SSPN: variants seen among roughly 807,000 people sequenced by gnomAD.
SSPN encodes K-ras oncogene-associated protein.
A neutral mutation model predicts 19.1 loss-of-function variants in SSPN; 15 were observed. The ratio of observed to expected loss-of-function variants is 0.78; its 90% confidence interval spans 0.52 to 1.21. The LOEUF is 1.21. Ranked by LOEUF, SSPN falls within the 50% of genes most tolerant of loss-of-function variation. SSPN has a pLI of 0.00. For missense variants in SSPN, 291 were observed against 314.0 expected (o/e 0.93, Z 0.55); for synonymous variants, 147 against 140.3 (o/e 1.05, Z -0.34).
chr12:26,222,901 C>G (rs116481792), intron 1 of SSPN, among the ~76,000 whole-genome samples: 251 of 152,292 alleles, frequency 1.6e-3, no homozygotes, highest in African/African-American at 5.8e-3. Flanking sequence ...CTCTCCAGGT[C>G]CTCCCATCAG....
At chr12:26,169,110 T>C (rs1944639101) in intron 1 of SSPN, among the ~76,000 whole-genome samples, 1 of 152,098 alleles carries the variant, frequency 6.6e-6, no homozygotes, top group Non-Finnish European at 1.5e-5. Context: ...GGGGAGTGCT[T>C]GAAAAGCATT....
intron 1 of SSPN, among the ~76,000 whole-genome samples, chr12:26,221,213 A>G (rs1945117052): frequency 6.6e-6 from 1 of 152,158 alleles, no homozygotes; most frequent in South Asian, 2.1e-4. Flanking sequence ...CTCTCTCTGC[A>G]CAGAATACCT....
intron 1 of SSPN, chr12:26,123,538 G>A (rs185157631): frequency 2.3e-5 from 21 of 904,582 alleles, no homozygotes; most frequent in Non-Finnish European, 3.7e-5. Flanking sequence ...CCCACGGAAA[G>A]AGATGGGGTG....
At chr12:26,144,070 T>A (rs934640122) in intron 1 of SSPN, among the ~76,000 whole-genome samples, 1 of 152,154 alleles carries the variant, frequency 6.6e-6, no homozygotes, top group African/African-American at 2.4e-5. Flanking sequence ...TACAATGTAA[T>A]AATAATAGAA....
chr12:26,210,706 T>C (rs1944976403), intron 1 of SSPN, among the ~76,000 whole-genome samples: 1 of 152,166 alleles, frequency 6.6e-6, no homozygotes, highest in African/African-American at 2.4e-5. Context: ...CTTGATGACT[T>C]CCAGTGCTAG....
chr12:26,154,389 A>G (rs1591852453), intron 1 of SSPN, among the ~76,000 whole-genome samples: 1 of 152,104 alleles, frequency 6.6e-6, no homozygotes, highest in Admixed American at 6.5e-5. Flanking sequence ...ATAGATTTCC[A>G]TGTTCAGATC....
intron 1 of SSPN, among the ~76,000 whole-genome samples, chr12:26,217,090 A>G (rs1945060970): frequency 6.7e-6 from 1 of 148,972 alleles, no homozygotes; most frequent in Non-Finnish European, 1.5e-5. Context: ...ACTTTAAAGT[A>G]GTTTTTTCCA....
intron 1 of SSPN, among the ~76,000 whole-genome samples, chr12:26,175,761 TA>T (rs546089864): frequency 4.0e-5 from 6 of 150,722 alleles, no homozygotes; most frequent in Admixed American, 1.3e-4. Flanking sequence ...TTGTTAAAAA[TA>T]AAAAAAATTA....
rs1007938759 is a variant in SSPN, at chr12:26,223,106, C to G, written c.280-1187C>G. Among the ~76,000 whole-genome samples, 9 of 152,300 alleles carry G rather than the reference C, an allele frequency of 5.9e-5. 1 individual carries two copies. The highest frequency in any genetic ancestry group is 4.1e-4 in the South Asian group (2 of 4,822). On this transcript the variant is annotated intron_variant, in intron 1 of 2. Coordinates refer to ENST00000242729, the MANE Select transcript of SSPN (RefSeq NM_005086.5). ...CACTGCTAATTTTCCTGAAATGTGT[C>G]TCTCAAATCATGTCATTCCCTGCTC...
At chr12:26,181,775 T>G (rs1944719906) in intron 1 of SSPN, among the ~76,000 whole-genome samples, 2 of 152,326 alleles carry the variant, frequency 1.3e-5, no homozygotes, top group South Asian at 4.1e-4. Context: ...AGAACACCTG[T>G]GAGTGGAGGA....
intron 1 of SSPN, among the ~76,000 whole-genome samples, chr12:26,148,240 A>C (rs1317162149): frequency 1.3e-5 from 2 of 152,166 alleles, no homozygotes; most frequent in Non-Finnish European, 2.9e-5. Flanking sequence ...GCAGCCTTAC[A>C]TGGAGGCTAT....
At chr12:26,165,912 C>A (rs1944617862) in intron 1 of SSPN, among the ~76,000 whole-genome samples, 1 of 152,180 alleles carries the variant, frequency 6.6e-6, no homozygotes, top group African/African-American at 2.4e-5. Flanking sequence ...TTCTGGAGAG[C>A]CCCTTCTGAA....
chr12:26,174,681 C>T (rs542911246), intron 1 of SSPN, among the ~76,000 whole-genome samples: 29 of 152,130 alleles, frequency 1.9e-4, no homozygotes, highest in Middle Eastern at 3.4e-3. Flanking sequence ...CCACCACACC[C>T]GGCTCATTTT....
At chr12:26,227,330 G>GT (rs1482740583) in intron 2 of SSPN, among the ~76,000 whole-genome samples, 1 of 152,104 alleles carries the variant, frequency 6.6e-6, no homozygotes, top group East Asian at 1.9e-4. Flanking sequence ...GCTTTCTCTA[G>GT]TTTACTTGGC....
At chr12:26,140,758 C>G (rs541543404) in intron 1 of SSPN, among the ~76,000 whole-genome samples, 2 of 152,286 alleles carry the variant, frequency 1.3e-5, no homozygotes, top group East Asian at 3.9e-4. Context: ...GCCTCCCCAG[C>G]CATGCTGCTT....
chr12:26,186,514 G>A (rs572988532), intron 1 of SSPN, among the ~76,000 whole-genome samples: 1 of 152,288 alleles, frequency 6.6e-6, no homozygotes, highest in South Asian at 2.1e-4. Context: ...ATGGCTTCAT[G>A]TCTTCCCACA....
intron 1 of SSPN, among the ~76,000 whole-genome samples, chr12:26,208,600 C>CT (rs1269136798): frequency 4.0e-5 from 6 of 151,202 alleles, no homozygotes; most frequent in East Asian, 3.9e-4. Context: ...TTTATCAGTT[C>CT]TTTTTTTTAT....
upstream of SSPN, among the ~76,000 whole-genome samples, chr12:26,191,918 C>G (rs997069848): frequency 1.3e-5 from 2 of 152,060 alleles, no homozygotes; most frequent in African/African-American, 4.8e-5. Flanking sequence ...TGATATAGAC[C>G]TTGGAAATGT....
intron 1 of SSPN, chr12:26,123,239 C>T: frequency 2.0e-6 from 3 of 1,491,684 alleles, no homozygotes; most frequent in Middle Eastern, 1.8e-4. Context: ...CACGTTAAAA[C>T]ATCTGCTTAT....
Sources: gnomAD v4.1 joint callset for allele counts (sites outside exome capture counted in the v4.1 genomes callset) on GRCh38, gnomAD v4.1.1 for gene constraint, MANE v1.5 for transcripts, NCBI Gene and HGNC (gene_info 2026-07-23, HGNC 2026-07-21) for gene names.